INTS3: variants seen among roughly 807,000 people sequenced by gnomAD.
The protein encoded by INTS3 is SOSS complex subunit A.
A neutral mutation model predicts 146.3 loss-of-function variants in INTS3; 34 were observed. That is an observed-to-expected ratio of 0.23 (90% confidence interval 0.18 to 0.31). The LOEUF is 0.31. Ranked by LOEUF, INTS3 falls within the 10% of genes least tolerant of loss-of-function variation. INTS3 has a pLI of 1.00. For synonymous variants in INTS3, 475 were observed against 494.9 expected, an observed-to-expected ratio of 0.96 and a Z score of 0.53; for missense variants, 757 against 1,304.2, an observed-to-expected ratio of 0.58 and a Z score of 6.46.
At position 153,751,006 on chromosome 1, in the gene INTS3, A is replaced by T. The variant is rs1432675195; in HGVS notation, c.585-89A>T. On this transcript the variant is annotated intron_variant, in intron 6 of 29. Coordinates refer to ENST00000318967, the MANE Select transcript of INTS3 (RefSeq NM_023015.5). ...AGTGTCAAATCATCAATTATTTCTG[A>T]GGCACTGTAGCCAAGCCCAAGAAGC... is the stretch of plus-strand genomic sequence containing the variant. 4.5e-6 allele frequency: 6 copies of T among 1,322,146 alleles called. No individual in the cohort carries two copies. The African/African-American group carries it at 8.8e-5, about 19-fold the overall frequency. 81.9% of individuals were successfully genotyped at this position (1,322,146 alleles called of 1,614,324 possible). A position where few individuals can be genotyped will look rare whatever the true frequency, so the allele number is the denominator to read the frequency against.
intron 10 of INTS3, among the ~76,000 whole-genome samples, chr1:153,758,760 T>C (rs1672259622): frequency 6.6e-6 from 1 of 150,690 alleles, no homozygotes; most frequent in African/African-American, 2.4e-5. Context: ...ATCCTGCCAC[T>C]GCACTCCAGC....
intron 6 of INTS3, chr1:153,750,870 T>C (rs1391355483): frequency 4.3e-6 from 2 of 468,144 alleles, no homozygotes; most frequent in South Asian, 4.6e-5. Flanking sequence ...CACTTATCTT[T>C]ATAGGCACTT....
In INTS3 at chr1:153,773,360, G is replaced by GTGTTTCCCCTGC; in HGVS notation, c.*90_*91insTGTTTCCCCTGC. 2.4e-6 allele frequency: 3 copies of GTGTTTCCCCTGC among 1,245,062 alleles called. No individual in the cohort carries two copies. Among genetic ancestry groups the GTGTTTCCCCTGC allele is most frequent in the Non-Finnish European group, 3.5e-6 (3 of 846,544 alleles). 77.1% of individuals were successfully genotyped at this position (1,245,062 alleles called of 1,614,324 possible). ...AATAGAGGCTGAGGAGATTGCAGGG[G>GTGTTTCCCCTGC]AAACACCCTTGCTGCATCCCCAAGC... On this transcript the variant is annotated 3_prime_UTR_variant, in exon 30 of 30. Transcript: ENST00000318967.
chr1:153,735,327 G>A (rs963653748), intron 1 of INTS3, among the ~76,000 whole-genome samples: 2 of 152,124 alleles, frequency 1.3e-5, no homozygotes, highest in African/African-American at 4.8e-5. Context: ...TTTCACATAT[G>A]TCATTTTGTT....
At chr1:153,758,858 A>C (rs1348762342) in intron 10 of INTS3, among the ~76,000 whole-genome samples, 2 of 150,728 alleles carry the variant, frequency 1.3e-5, no homozygotes, top group African/African-American at 4.9e-5. Flanking sequence ...CTATAATCCC[A>C]ATACTTTGGG....
At position 153,774,598 on chromosome 1, in the gene INTS3, ATG is replaced by A. The variant is rs1250206696; in HGVS notation, c.*1329_*1330del. The A allele has an allele frequency of 6.4e-6, 1 of 155,754 alleles. No homozygotes were observed. The highest frequency in any genetic ancestry group is 6.3e-5 in the Admixed American group (1 of 15,878). 9.6% of individuals were successfully genotyped at this position (155,754 alleles called of 1,614,324 possible). ...GTTGTTCCCCCGCTGTCCAGGGAGA[ATG>A]GAGGTGGACTGAGGAGTGAAGTTTG... On this transcript the variant is annotated 3_prime_UTR_variant, in exon 30 of 30. Transcript: ENST00000318967.
Position 153,767,690 on chromosome 1 carries a change from A to G in INTS3, c.2107A>G (p.Lys703Glu). The G allele has an allele frequency of 6.3e-7, 1 of 1,597,048 alleles. No individual in the cohort carries two copies. Among genetic ancestry groups the G allele is most frequent in the African/African-American group, 1.3e-5 (1 of 74,524 alleles). Residue 703 changes from lysine (K) to glutamate (E), a missense_variant, in exon 21 of 30, where the codon AAG (lysine) becomes GAG (glutamate). Lys to Glu is a moderately conservative substitution (Grantham distance 56). Transcript: ENST00000318967. Reference protein sequence around the residue: ...YLRASKAAAGKMNLYESFAQA... With the variant: ...YLRASKAAAGEMNLYESFAQA... ...GTCTTGCAGCAAAGCCGCCGCAGGG[A>G]AGATGAACCTGTACGAGTCATTTGC...
At chr1:153,745,655 G>GA (rs79582507) in intron 3 of INTS3, among the ~76,000 whole-genome samples, 2,802 of 114,134 alleles carry the variant, frequency 0.025, 30 homozygotes, top group Middle Eastern at 0.034. Context: ...GAGACAGAGT[G>GA]AAAAAAAAAA....
chr1:153,736,355 A>T (rs552191107), intron 1 of INTS3, among the ~76,000 whole-genome samples: 8 of 152,166 alleles, frequency 5.3e-5, no homozygotes, highest in African/African-American at 1.7e-4. Flanking sequence ...TTGCCTTAAC[A>T]CTCAGTTCTA....
rs367751464 is a variant in INTS3 at position 153,752,124 on chromosome 1, G to A, written c.730-155G>A. The A allele has an allele frequency of 3.6e-4, 283 of 787,272 alleles. 4 individuals are homozygous for A. In the South Asian group the frequency reaches 4.2e-3, roughly 12 times the overall value. 48.8% of individuals were successfully genotyped at this position (787,272 alleles called of 1,614,324 possible). On this transcript the variant is annotated intron_variant, in intron 7 of 29. Coordinates refer to ENST00000318967, the MANE Select transcript of INTS3 (RefSeq NM_023015.5). ...CCAGCTCTCTTCCCCTGAACAGCTA[G>A]GAGCCAATCCTTTGGTTCCAGAAGA...
chr1:153,758,943 CCAAAA>C (rs976480470), intron 10 of INTS3, among the ~76,000 whole-genome samples: 2 of 151,838 alleles, frequency 1.3e-5, no homozygotes, highest in Non-Finnish European at 2.9e-5. Context: ...CCCATCTCTA[CCAAAA>C]CAAAACAAAA....
In INTS3 at chr1:153,771,908, G is replaced by A. The variant is rs755053647; in HGVS notation, c.2665G>A (p.Glu889Lys). Residue 889 changes from glutamate (E) to lysine (K), a missense_variant, in exon 26 of 30, where the codon GAG becomes AAG. By Grantham distance (56) the Glu-to-Lys change is moderately conservative (BLOSUM62 1). Transcript: ENST00000318967. ...CATGAAACATGACGAGCTGCTGGCC[G>A]AGCACATCAAGTCCCTGCTCATCAA... ...WCMKHDELLAEHIKSLLIKNN... is the reference protein window; with the variant it reads ...WCMKHDELLAKHIKSLLIKNN... 4.3e-6 allele frequency: 7 copies of A among 1,614,056 alleles called. No individual in the cohort carries two copies. The highest frequency in any genetic ancestry group is 2.2e-5 in the East Asian group (1 of 44,880).
chr1:153,752,990 C>T (rs1045007458), intron 8 of INTS3, among the ~76,000 whole-genome samples: 1 of 151,938 alleles, frequency 6.6e-6, no homozygotes, highest in African/African-American at 2.4e-5. Context: ...TTGCTCCCCA[C>T]CCCACCTCAA....
At chr1:153,763,131 G>T (rs1672445721) in intron 15 of INTS3, 102 bp from the exon 16 acceptor site, 5 of 1,437,458 alleles carry the variant, frequency 3.5e-6, no homozygotes, top group Non-Finnish European at 9.7e-7. Context: ...GGAAACAGGT[G>T]CACACTTAGG....
Position 153,772,053 on chromosome 1 carries a change from T to TG in INTS3, c.2720+95dup, listed in dbSNP as rs1672905783. 1 of 1,330,796 alleles carries TG rather than the reference T, an allele frequency of 7.5e-7. No homozygotes were observed. The highest frequency in any genetic ancestry group is 1.0e-6 in the Non-Finnish European group (1 of 972,484). 82.4% of individuals were successfully genotyped at this position (1,330,796 alleles called of 1,614,324 possible). On this transcript the variant is annotated intron_variant, in intron 26 of 29. Coordinates refer to ENST00000318967, the MANE Select transcript of INTS3 (RefSeq NM_023015.5). This position sits in a 1 kb window ranked among gnomAD's most constrained non-coding sequence, Gnocchi z 4.6. ...GTGGTGGTGGTGGTGGTGGTGGTGA[T>TG]GGGGGTCAGTGCTGTCCCAGCCTGG...
chr1:153,763,529 G>A lies in INTS3; in HGVS notation c.1766+167G>A, dbSNP rs77700954. Among the ~76,000 whole-genome samples, 406 of 152,310 alleles carry A rather than the reference G, an allele frequency of 2.7e-3. 3 individuals carry two copies. The highest frequency in any genetic ancestry group is 9.3e-3 in the African/African-American group (385 of 41,562). Reference sequence around the variant, plus strand: ...GTTCTTCTGCACTTTACGTTAGGGAGTATGAGCTGGGAGTGGGGCAGCCTC... The same window carrying A: ...GTTCTTCTGCACTTTACGTTAGGGAATATGAGCTGGGAGTGGGGCAGCCTC... On this transcript the variant is annotated intron_variant, in intron 16 of 29. Transcript: ENST00000318967.
At chr1:153,731,903 T>C (rs1671079813) in intron 1 of INTS3, among the ~76,000 whole-genome samples, 1 of 89,420 alleles carries the variant, frequency 1.1e-5, no homozygotes, top group African/African-American at 6.3e-5. Flanking sequence ...TTTTTTAACT[T>C]TTTTTTTTTT....
chr1:153,747,438 T>G, intron 5 of INTS3, 75 bp downstream of exon 5: 3 of 1,131,894 alleles, frequency 2.7e-6, no homozygotes, highest in Non-Finnish European at 4.0e-6. Flanking sequence ...GGAGAATGAT[T>G]AAGTGCCAAA....
At position 153,747,315 on chromosome 1, in the gene INTS3, G is replaced by A. The variant is rs1213274734; in HGVS notation, c.469G>A (p.Val157Ile). 6.2e-7 allele frequency: 1 copy of A among 1,614,154 alleles called. No homozygotes were observed. Among genetic ancestry groups the A allele is most frequent in the South Asian group, 1.1e-5 (1 of 91,078 alleles). ...GGTACGGGAACTGGTGAAGAGTGGGGTTCTGGGAGCCGATGGTGTTTGTAT... is the reference window on the plus strand; with the variant it reads ...GGTACGGGAACTGGTGAAGAGTGGGATTCTGGGAGCCGATGGTGTTTGTAT... ...WLVRELVKSG[V>I]LGADGVCMTF... is the part of the protein sequence containing the mutation. Residue 157 changes from valine to isoleucine, a missense_variant, in exon 5 of 30, where the codon GTT becomes ATT. Val to Ile is a conservative substitution (Grantham distance 29, BLOSUM62 3). This residue lies in a region of INTS3 where 160 missense variants were observed against 193.7 expected (regional missense o/e 0.83). Transcript: ENST00000318967.
Sources: allele counts gnomAD v4.1 joint callset (sites outside exome capture counted in the v4.1 genomes callset), GRCh38; gene constraint gnomAD v4.1.1; regional missense constraint gnomAD v4.1.1; non-coding constraint Gnocchi (gnomAD v3.1); transcripts MANE v1.5; gene names NCBI Gene and HGNC (gene_info 2026-07-23, HGNC 2026-07-21).